NAV2: variants seen among roughly 807,000 people sequenced by gnomAD.
NAV2 encodes neuron navigator 2, also known as helicase, APC down-regulated 1.
NAV2 carries 54 observed loss-of-function variants against 223.2 expected under a neutral mutation model. The observed-to-expected ratio is 0.24, with a 90% CI of 0.19 to 0.30. The LOEUF (loss-of-function observed/expected upper bound fraction) is 0.30. Among genes scored for constraint, NAV2 ranks in the 10% least tolerant of loss-of-function variants. The probability of loss-of-function intolerance (pLI) is 1.00; values close to 1 mark genes in which losing one functional copy is unlikely to be tolerated. For synonymous variants in NAV2, 1,279 were observed against 1,239.3 expected (o/e 1.03, Z -0.67); for missense variants, 2,806 against 3,147.5 (o/e 0.89, Z 2.60).
chr11:19,676,128 T>C (rs1196924310), intron 1 of NAV2, among the ~76,000 whole-genome samples: 1 of 152,188 alleles, frequency 6.6e-6, no homozygotes, highest in African/African-American at 2.4e-5. Flanking sequence ...AGCTGTTTGA[T>C]TTCTCTCATT....
intron 1 of NAV2, among the ~76,000 whole-genome samples, chr11:19,600,810 A>T (rs758226100): frequency 6.6e-6 from 1 of 152,236 alleles, no homozygotes; most frequent in Admixed American, 6.5e-5. Flanking sequence ...TATCCTACAG[A>T]TGAAGAAATT....
chr11:19,927,934 A>G (rs926223047), intron 6 of NAV2, among the ~76,000 whole-genome samples: 1 of 152,200 alleles, frequency 6.6e-6, no homozygotes, highest in Non-Finnish European at 1.5e-5. Flanking sequence ...CCTTTGGCTC[A>G]ACAAGGCCTG....
At chr11:19,375,422 T>C (rs1438392299) in intron 1 of NAV2, among the ~76,000 whole-genome samples, 1 of 152,202 alleles carries the variant, frequency 6.6e-6, no homozygotes, top group Non-Finnish European at 1.5e-5. Context: ...TCCTACAATC[T>C]AGCAAAATTC....
chr11:19,632,250 C>G (rs1329021228), intron 1 of NAV2, among the ~76,000 whole-genome samples: 1 of 152,190 alleles, frequency 6.6e-6, no homozygotes, highest in African/African-American at 2.4e-5. Context: ...TGGCATCAAA[C>G]AGGATTGGTC....
chr11:19,939,825 G>C (rs370076160), intron 8 of NAV2, 52 bp downstream of exon 8: 3 of 1,314,450 alleles, frequency 2.3e-6, no homozygotes, highest in Non-Finnish European at 3.3e-6. Flanking sequence ...GGCCTTCCAC[G>C]CAATACCTGC....
chr11:20,092,947 T>C (rs2060957103), intron 28 of NAV2, 152 bp from the exon 29 acceptor site: 4 of 606,334 alleles, frequency 6.6e-6, no homozygotes, highest in Admixed American at 2.7e-5. Context: ...GATTGCATTC[T>C]CCATTTTGCC....
rs557948361 is a variant in NAV2 at position 19,656,571 on chromosome 11, A to G, written c.76-175913A>G. On this transcript the variant is annotated intron_variant, in intron 1 of 37. Transcript: ENST00000360655. ...TTCACTCCATGTTTGAAGGGAAGGC[A>G]TTTATGTTTTAATCTGATCTCTCTG... Among the ~76,000 whole-genome samples, 4 of 152,294 alleles carry G rather than the reference A, an allele frequency of 2.6e-5. No homozygotes were observed. In the South Asian group the frequency reaches 8.3e-4, roughly 32 times the overall value.
rs1292950881 is a variant in NAV2, at chr11:20,062,215, G to A, written c.4832-92G>A. 4 of 840,104 alleles carry A rather than the reference G, an allele frequency of 4.8e-6. No individual in the cohort carries two copies. In the Admixed American group the frequency reaches 6.8e-5, roughly 14 times the overall value. 52.0% of individuals were successfully genotyped at this position (840,104 alleles called of 1,614,324 possible). ...GAGATTAAGTCATTCCAAGCCTGGA[G>A]TGTCCTGTATTGCTGATGTTCTCCT... On this transcript the variant is annotated intron_variant, in intron 19 of 37. Coordinates refer to ENST00000349880, the MANE Select transcript of NAV2 (RefSeq NM_145117.5).
chr11:19,551,690 C>T (rs1164915837), intron 1 of NAV2, among the ~76,000 whole-genome samples: 3 of 152,316 alleles, frequency 2.0e-5, no homozygotes, highest in East Asian at 1.9e-4. Context: ...GTCTGTGAAA[C>T]CCAGCCACGT....
At chr11:19,400,228 C>T (rs886908848) in intron 1 of NAV2, among the ~76,000 whole-genome samples, 4 of 152,098 alleles carry the variant, frequency 2.6e-5, no homozygotes, top group East Asian at 1.9e-4. Flanking sequence ...GAAAATCCGA[C>T]GTGGTGTGAG....
rs2059870418 is a variant in NAV2 at position 20,078,041 on chromosome 11, C to G, written c.5116C>G (p.Gln1706Glu). 6.2e-7 allele frequency: 1 copy of G among 1,613,028 alleles called. No individual in the cohort carries two copies. The highest frequency in any genetic ancestry group is 8.5e-7 in the Non-Finnish European group (1 of 1,179,812). The change falls in exon 24 of 38, where the codon CAG becomes GAG. Residue 1706 changes from glutamine to glutamate, a missense_variant. By Grantham distance (29) the Gln-to-Glu change is conservative. Around this residue, in one of 4 missense-constraint regions of NAV2, gnomAD observed 824 missense variants for 1,069.4 expected, o/e 0.77. Transcript: ENST00000349880. ...LRKTIELLKK[Q>E]NAAAQAAING... ...AAAAACCATTGAGCTGCTAAAGAAA[C>G]AGAACGCAGCTGCCCAGGCTGCCAT...
intron 13 of NAV2, 32 bp downstream of exon 13, chr11:20,044,304 T>C: frequency 3.2e-6 from 5 of 1,566,418 alleles, no homozygotes; most frequent in Non-Finnish European, 4.3e-6. Flanking sequence ...GGCCCTACAG[T>C]TGACATTTTG....
intron 24 of NAV2, among the ~76,000 whole-genome samples, chr11:20,078,835 T>C (rs4757031): frequency 0.89 from 135,906 of 152,212 alleles, 60,753 homozygotes; most frequent in East Asian, 0.96. Context: ...ACTTAGCTCT[T>C]ATAACAATAA....
intron 1 of NAV2, among the ~76,000 whole-genome samples, chr11:19,635,354 A>G (rs1422524785): frequency 6.6e-6 from 1 of 152,224 alleles, no homozygotes; most frequent in Non-Finnish European, 1.5e-5. Flanking sequence ...AGTGTGGACG[A>G]CAGATTATGA....
At chr11:19,579,163 G>C (rs11825944) in intron 1 of NAV2, among the ~76,000 whole-genome samples, 15,216 of 152,196 alleles carry the variant, frequency 0.1, 2,369 homozygotes, top group African/African-American at 0.34. Flanking sequence ...CAGGCAGACT[G>C]TCCACCACTT....
intron 6 of NAV2, among the ~76,000 whole-genome samples, chr11:19,915,905 C>A (rs962430768): frequency 2.0e-5 from 3 of 152,124 alleles, no homozygotes; most frequent in Non-Finnish European, 4.4e-5. Context: ...AATGAGTGAG[C>A]TATAGAGTAA....
At chr11:19,840,829 C>T (rs2060475147) in intron 2 of NAV2, among the ~76,000 whole-genome samples, 1 of 152,092 alleles carries the variant, frequency 6.6e-6, no homozygotes, top group Non-Finnish European at 1.5e-5. Context: ...TTTCTTAGTT[C>T]CACTCAACAA....
intron 11 of NAV2, among the ~76,000 whole-genome samples, chr11:20,017,282 C>T (rs997153763): frequency 1.3e-5 from 2 of 152,134 alleles, no homozygotes; most frequent in African/African-American, 4.8e-5. Flanking sequence ...ACATAGTAAC[C>T]ACCTTTCAGC....
intron 1 of NAV2, among the ~76,000 whole-genome samples, chr11:19,662,401 G>A (rs921803659): frequency 1.3e-5 from 2 of 152,218 alleles, no homozygotes; most frequent in African/African-American, 2.4e-5. Flanking sequence ...GTGGGGTGAG[G>A]CAGGAGGTGG....
Sources: allele counts gnomAD v4.1 joint callset (sites outside exome capture counted in the v4.1 genomes callset), GRCh38; gene constraint gnomAD v4.1.1; regional missense constraint gnomAD v4.1.1; transcripts MANE v1.5; gene names NCBI Gene and HGNC (gene_info 2026-07-23, HGNC 2026-07-21).